The following LCORL variants were observed in gnomAD, a reference collection of about 807,000 sequenced individuals.
LCORL encodes the protein ligand-dependent nuclear receptor corepressor-like protein.
In LCORL, 41 loss-of-function variants were observed where a neutral mutation model predicts 141.8. The ratio of observed to expected loss-of-function variants is 0.29; its 90% CI spans 0.23 to 0.38. LCORL has a LOEUF of 0.38. Ranked by LOEUF, LCORL falls within the 10% of genes least tolerant of loss-of-function variation. LCORL has a pLI of 1.00. For synonymous variants in LCORL, 618 were observed against 694.1 expected, an observed-to-expected ratio of 0.89 and a Z score of 1.72; for missense variants, 1,759 against 2,035.0, an observed-to-expected ratio of 0.86 and a Z score of 2.61.
intron 4 of LCORL, among the ~76,000 whole-genome samples, chr4:17,943,371 T>C (rs769152450): frequency 1.1e-4 from 17 of 152,204 alleles, no homozygotes; most frequent in Non-Finnish European, 1.5e-4. Flanking sequence ...ACTGCATTAA[T>C]AATTGAGCAA....
chr4:17,989,638 AAAAAAG>A (rs1251683395), intron 1 of LCORL, among the ~76,000 whole-genome samples: 4 of 152,232 alleles, frequency 2.6e-5, no homozygotes, highest in African/African-American at 4.8e-5. Flanking sequence ...TGTCCAAAAT[AAAAAAG>A]AAAAAGTTAA....
intron 1 of LCORL, among the ~76,000 whole-genome samples, chr4:18,017,963 T>C (rs1190241894): frequency 6.6e-6 from 1 of 151,950 alleles, no homozygotes; most frequent in Non-Finnish European, 1.5e-5. Flanking sequence ...TCTGAAAAAA[T>C]ATAGAGAGAT....
At chr4:18,016,539 C>A (rs1724664654) in intron 1 of LCORL, among the ~76,000 whole-genome samples, 1 of 152,070 alleles carries the variant, frequency 6.6e-6, no homozygotes, top group Non-Finnish European at 1.5e-5. Flanking sequence ...AAAGTGAAAG[C>A]CATTTGCTAC....
At chr4:17,870,232 G>A (rs548365648) in intron 7 of LCORL, among the ~76,000 whole-genome samples, 1 of 152,218 alleles carries the variant, frequency 6.6e-6, no homozygotes, top group East Asian at 1.9e-4. Context: ...CGACCTCCCA[G>A]GTTCAAGCAA....
intron 1 of LCORL, among the ~76,000 whole-genome samples, chr4:17,985,038 C>G (rs562089249): frequency 1.5e-4 from 23 of 152,020 alleles, no homozygotes; most frequent in Admixed American, 5.2e-4. Flanking sequence ...ACGTGCTATT[C>G]AAGAGCACGT....
exon 8 of LCORL, chr4:17,842,139 C>CT: frequency 1.8e-6 from 1 of 547,192 alleles, no homozygotes; most frequent in South Asian, 2.5e-5. Context: ...GCTTGGGTTC[C>CT]TTTTTCTGTG....
At chr4:18,007,853 T>C (rs979331140) in intron 1 of LCORL, among the ~76,000 whole-genome samples, 3 of 152,154 alleles carry the variant, frequency 2.0e-5, no homozygotes, top group Non-Finnish European at 4.4e-5. Flanking sequence ...TATGTACTCA[T>C]AGGCAAATTC....
At chr4:17,998,060 C>G (rs1371503661) in intron 1 of LCORL, among the ~76,000 whole-genome samples, 1 of 152,078 alleles carries the variant, frequency 6.6e-6, no homozygotes, top group Non-Finnish European at 1.5e-5. Flanking sequence ...CTGTACAGAA[C>G]GTTACTGTAC....
intron 6 of LCORL, chr4:17,883,352 T>TG: frequency 9.9e-7 from 1 of 1,013,472 alleles, no homozygotes; most frequent in Non-Finnish European, 1.2e-6. Flanking sequence ...ACTGAATGGC[T>TG]GGAATGGTCT....
chr4:17,880,184 T>C (rs966103769), intron 6 of LCORL, among the ~76,000 whole-genome samples: 1 of 151,076 alleles, frequency 6.6e-6, no homozygotes, highest in Admixed American at 6.6e-5. Context: ...TATTAGATTC[T>C]ATCTTATGTA....
exon 7 of LCORL, chr4:17,875,693 T>G: frequency 4.9e-6 from 6 of 1,231,428 alleles, no homozygotes; most frequent in Non-Finnish European, 6.1e-6. Flanking sequence ...TAGGCTTTGG[T>G]GGTCTTCCAA....
chr4:17,955,413 C>A (rs547205045), intron 4 of LCORL, among the ~76,000 whole-genome samples: 1 of 152,056 alleles, frequency 6.6e-6, no homozygotes, highest in Non-Finnish European at 1.5e-5. Flanking sequence ...AAAGTATGGA[C>A]AATAACAAAT....
Position 17,851,703 on chromosome 4 carries a change from G to C in LCORL, c.5603-5802C>G, listed in dbSNP as rs780211671. On this transcript the variant is annotated intron_variant, in intron 7 of 7. Coordinates refer to ENST00000635767, the Ensembl canonical transcript of LCORL. The stretch of plus-strand genomic sequence containing the variant: ...ATATCTATAGAGCTGACGAGGAGTA[G>C]AATAGCTGGGTCAAAGGGTGCTTTT... 1.1e-3 allele frequency among the ~76,000 whole-genome samples: 163 copies of C among 152,270 alleles called. 2 individuals carry two copies. Among genetic ancestry groups the C allele is most frequent in the Non-Finnish European group, 2.2e-3 (147 of 68,012 alleles).
At chr4:17,990,349 T>A (rs916164322) in intron 1 of LCORL, among the ~76,000 whole-genome samples, 1 of 151,762 alleles carries the variant, frequency 6.6e-6, no homozygotes, top group African/African-American at 2.4e-5. Context: ...TCCACCCGCC[T>A]CGGCCTGCCA....
intron 1 of LCORL, among the ~76,000 whole-genome samples, chr4:17,991,752 G>C (rs954906062): frequency 1.3e-5 from 2 of 151,986 alleles, no homozygotes; most frequent in African/African-American, 4.8e-5. Flanking sequence ...CCCTTTCTTA[G>C]GGCACAAGAC....
chr4:17,883,018 T>A, intron 6 of LCORL: 1 of 975,770 alleles, frequency 1.0e-6, no homozygotes, highest in Non-Finnish European at 1.2e-6. Context: ...CTGCTGGGGT[T>A]AACTATGTGT....
At chr4:17,906,564 G>A (rs1267587183) in intron 5 of LCORL, among the ~76,000 whole-genome samples, 2 of 151,776 alleles carry the variant, frequency 1.3e-5, no homozygotes, top group African/African-American at 4.8e-5. Flanking sequence ...TTTGCACTTT[G>A]TTTAGACTAT....
At chr4:17,907,438 G>A (rs555769260) in intron 5 of LCORL, among the ~76,000 whole-genome samples, 1 of 152,286 alleles carries the variant, frequency 6.6e-6, no homozygotes, top group East Asian at 1.9e-4. Context: ...GTAAGTAGCA[G>A]AGCTGGGATT....
At chr4:17,960,733 G>A (rs1397902871) in intron 4 of LCORL, among the ~76,000 whole-genome samples, 7 of 152,022 alleles carry the variant, frequency 4.6e-5, no homozygotes, top group Non-Finnish European at 8.8e-5. Flanking sequence ...TGGGACTATA[G>A]GTACGTGCCA....
Sources: gnomAD v4.1 joint callset for allele counts (sites outside exome capture counted in the v4.1 genomes callset) on GRCh38, gnomAD v4.1.1 for gene constraint, MANE v1.5 for transcripts, NCBI Gene and HGNC (gene_info 2026-07-23, HGNC 2026-07-21) for gene names.